The following COPS9 variants were observed in gnomAD, a reference collection of about 807,000 sequenced individuals.
The protein encoded by COPS9 is COP9 signalosome subunit 9, also known as COP9 signalosome complex subunit 9.
A neutral mutation model predicts 7.2 loss-of-function variants in COPS9; 8 were observed. That is an observed-to-expected ratio of 1.11 (90% CI 0.65 to 2.00). The LOEUF (loss-of-function observed/expected upper bound fraction) is 2.00, where lower values mean the gene tolerates loss of function less well. COPS9 is among the 30% of genes most tolerant of loss of function. The pLI is 0.00. For synonymous variants in COPS9, 39 were observed against 28.7 expected (o/e 1.36, Z -1.14); for missense variants, 74 against 77.7 (o/e 0.95, Z 0.18).
At chr2:240,133,857 C>G (rs2071946023) in intron 2 of COPS9, 76 bp downstream of exon 2, 6 of 1,433,620 alleles carry the variant, frequency 4.2e-6, no homozygotes, top group Non-Finnish European at 5.9e-6. Flanking sequence ...ATTCATGTCA[C>G]CAAGTTGCTT....
At chr2:240,134,360 C>T in intron 1 of COPS9, 1 of 215,882 alleles carries the variant, frequency 4.6e-6, no homozygotes, top group East Asian at 1.3e-4. Flanking sequence ...AAATTGAGCC[C>T]ATCGCCTCCA....
At chr2:240,136,140 G>T in intron 1 of COPS9, 82 bp downstream of exon 1, 1 of 1,374,674 alleles carries the variant, frequency 7.3e-7, no homozygotes, top group Non-Finnish European at 9.4e-7. Context: ...CCCCTCCCCG[G>T]GACCCGCGCA....
downstream of COPS9, among the ~76,000 whole-genome samples, chr2:240,127,369 T>C (rs1214404549): frequency 1.3e-5 from 2 of 151,954 alleles, no homozygotes; most frequent in African/African-American, 4.8e-5. Flanking sequence ...CCAGTCTCTC[T>C]CTCTCTCTCT....
downstream of COPS9, chr2:240,126,558 G>A: frequency 6.2e-7 from 1 of 1,609,804 alleles, no homozygotes; most frequent in South Asian, 1.1e-5. Context: ...ACACCTCTCT[G>A]CATCCTACCT....
chr2:240,136,151 C>G (rs2071988682), intron 1 of COPS9, 71 bp downstream of exon 1: 2 of 1,393,052 alleles, frequency 1.4e-6, no homozygotes, highest in Non-Finnish European at 1.9e-6. Flanking sequence ...GACCCGCGCA[C>G]CAGGACGCCG....
In COPS9 at chr2:240,133,984, A is replaced by G. The variant is rs1321703635; in HGVS notation, c.85T>C (p.Leu29=). ...LDEAGGSTGL[L]MDLAANEKAV... is the part of the protein sequence containing the mutation. ...TTTTCATTGGCTGCCAAGTCCATCA[A>G]GAGCCCGGTGCTGCCTCCCGCCTGG... is the stretch of plus-strand genomic sequence containing the variant. The change falls in exon 2 of 3, where the codon TTG becomes CTG. Residue 29 remains leucine (L), a synonymous_variant. Coordinates refer to ENST00000607357, the MANE Select transcript of COPS9 (RefSeq NM_001163424.2). 3 of 1,614,218 alleles carry G rather than the reference A, an allele frequency of 1.9e-6. No individual in the cohort carries two copies. Among genetic ancestry groups the G allele is most frequent in the Middle Eastern group, 1.6e-4 (1 of 6,062 alleles).
chr2:240,126,608 T>C (rs1205629478), downstream of COPS9: 9 of 1,614,074 alleles, frequency 5.6e-6, no homozygotes, highest in South Asian at 9.9e-5. Flanking sequence ...TCCCTTCTTC[T>C]CCACCAGCAA....
intron 2 of COPS9, among the ~76,000 whole-genome samples, chr2:240,133,598 G>T (rs942784786): frequency 6.6e-6 from 1 of 152,216 alleles, no homozygotes; most frequent in Non-Finnish European, 1.5e-5. Flanking sequence ...GACAGATGGG[G>T]TTCCTATGGC....
downstream of COPS9, among the ~76,000 whole-genome samples, chr2:240,127,938 C>T (rs919463366): frequency 5.3e-5 from 8 of 152,168 alleles, no homozygotes; most frequent in Admixed American, 2.0e-4. Flanking sequence ...AGGCCACTCA[C>T]ACCCCCTCAA....
downstream of COPS9, chr2:240,130,707 C>T: frequency 1.1e-6 from 1 of 910,276 alleles, no homozygotes; most frequent in Non-Finnish European, 1.4e-6. Context: ...TGCTACCAGA[C>T]AAATGTGGTT....
chr2:240,130,047 C>G, downstream of COPS9: 1 of 1,593,210 alleles, frequency 6.3e-7, no homozygotes, highest in South Asian at 1.1e-5. Context: ...CAACAAAGGA[C>G]AGGAGCTCCA....
intron 1 of COPS9, among the ~76,000 whole-genome samples, chr2:240,134,500 G>T (rs562830436): frequency 1.3e-5 from 2 of 152,100 alleles, no homozygotes; most frequent in African/African-American, 4.8e-5. Context: ...CCACGGCAGT[G>T]GAAAAACCAT....
downstream of COPS9, chr2:240,130,819 C>T (rs538048272): frequency 5.0e-5 from 70 of 1,398,882 alleles, no homozygotes; most frequent in South Asian, 2.3e-4. Context: ...AAAGAGATCA[C>T]TCCACATGTG....
downstream of COPS9, chr2:240,129,839 G>A (rs2071902703): frequency 7.3e-7 from 1 of 1,361,268 alleles, no homozygotes. Context: ...AAGCCACGTG[G>A]GTCTCAGAAA....
chr2:240,127,201 C>A (rs755240706), downstream of COPS9, among the ~76,000 whole-genome samples: 68 of 152,120 alleles, frequency 4.5e-4, no homozygotes, highest in Non-Finnish European at 9.0e-4. Context: ...AGAGCATTTC[C>A]GAGCATTTCC....
intron 1 of COPS9, among the ~76,000 whole-genome samples, chr2:240,135,340 G>T (rs892755129): frequency 6.6e-6 from 1 of 152,152 alleles, no homozygotes; most frequent in African/African-American, 2.4e-5. Context: ...CCCCCTCAAA[G>T]CCCTGAGGGT....
intron 2 of COPS9, among the ~76,000 whole-genome samples, chr2:240,131,723 C>G (rs2071925071): frequency 6.6e-6 from 1 of 152,190 alleles, no homozygotes. Flanking sequence ...TCTGTTTAGT[C>G]TTCTGTGTTT....
intron 1 of COPS9, 102 bp from the exon 2 acceptor site, chr2:240,134,107 G>A: frequency 9.3e-7 from 1 of 1,069,774 alleles, no homozygotes; most frequent in South Asian, 1.3e-5. Context: ...GAAGATGGGT[G>A]AGGGGAAACA....
chr2:240,128,595 C>G (rs993810034), downstream of COPS9, among the ~76,000 whole-genome samples: 2 of 152,094 alleles, frequency 1.3e-5, no homozygotes, highest in Non-Finnish European at 2.9e-5. Flanking sequence ...TGGCAGGGAT[C>G]GGTATAGAGG....
Sources: allele counts gnomAD v4.1 joint callset (sites outside exome capture counted in the v4.1 genomes callset), GRCh38; gene constraint gnomAD v4.1.1; transcripts MANE v1.5; gene names NCBI Gene and HGNC (gene_info 2026-07-23, HGNC 2026-07-21).